SHROOM4: variants seen among roughly 807,000 people sequenced by gnomAD.
SHROOM4 encodes protein Shroom4.
SHROOM4 carries 17 observed loss-of-function variants against 80.3 expected under a neutral mutation model. The ratio of observed to expected loss-of-function variants is 0.21; its 90% CI spans 0.14 to 0.32. The LOEUF (loss-of-function observed/expected upper bound fraction) is 0.32. Ranked by LOEUF, SHROOM4 falls within the 10% of genes least tolerant of loss-of-function variation. The pLI, the probability that SHROOM4 is intolerant of heterozygous loss-of-function variation, is 1.00. For missense variants in SHROOM4, 993 were observed against 1,140.3 expected (o/e 0.87, Z 1.86); for synonymous variants, 400 against 437.5 (o/e 0.91, Z 1.07).
At position 50,744,876 on chromosome X, in the gene SHROOM4, GTTTTAC is replaced by G. The variant is rs1359138038; in HGVS notation, c.118-48945_118-48940del. Among the ~76,000 whole-genome samples, 19 of 111,254 alleles carry G rather than the reference GTTTTAC, an allele frequency of 1.7e-4. No homozygotes were observed. The South Asian group carries it at 1.9e-3, about 11-fold the overall frequency. On this transcript the variant is annotated intron_variant, in intron 1 of 8. Transcript: ENST00000376020. ...TGATGTCATGTTCATTTCTCTTCTT[GTTTTAC>G]TTTTAAGTCTGGCTTTCTAGGAGTC...
At chrX:50,789,984 A>G (rs1456589250) in intron 1 of SHROOM4, among the ~76,000 whole-genome samples, 1 of 112,410 alleles carries the variant, frequency 8.9e-6, no homozygotes, top group African/African-American at 3.2e-5. Context: ...CTCCTAGTCT[A>G]CAAACCTATA....
At chrX:50,810,165 T>G (rs1226187575) in intron 1 of SHROOM4, among the ~76,000 whole-genome samples, 1 of 110,509 alleles carries the variant, frequency 9.0e-6, no homozygotes, top group Non-Finnish European at 1.9e-5. Flanking sequence ...AATTTTCTCT[T>G]TCTTTGCCAC....
intron 1 of SHROOM4, among the ~76,000 whole-genome samples, chrX:50,812,662 C>T (rs1308325683): frequency 9.0e-6 from 1 of 111,427 alleles, no homozygotes; most frequent in Non-Finnish European, 1.9e-5. Context: ...CAATGCAAGG[C>T]GAATGCCGCA....
chrX:50,650,726 C>G (rs1932015764), intron 2 of SHROOM4, among the ~76,000 whole-genome samples: 1 of 112,125 alleles, frequency 8.9e-6, no homozygotes, highest in Admixed American at 9.4e-5. Flanking sequence ...AGGCAACTGT[C>G]TGATATAACT....
At chrX:50,645,747 C>T (rs2147327739) in intron 2 of SHROOM4, among the ~76,000 whole-genome samples, 1 of 111,835 alleles carries the variant, frequency 8.9e-6, no homozygotes, top group African/African-American at 3.2e-5. Flanking sequence ...TTCCAGATAA[C>T]ATGATCAAGT....
chrX:50,642,756 T>C (rs1197811979), intron 2 of SHROOM4, among the ~76,000 whole-genome samples: 5 of 112,045 alleles, frequency 4.5e-5, no homozygotes, highest in African/African-American at 1.6e-4. Flanking sequence ...TGAGCCACCA[T>C]GTCCAGCTGG....
intron 1 of SHROOM4, among the ~76,000 whole-genome samples, chrX:50,763,676 T>C (rs1210642467): frequency 9.0e-6 from 1 of 111,728 alleles, no homozygotes; most frequent in Admixed American, 9.5e-5. Context: ...TCAGTATAAC[T>C]TAATATTTAC....
chrX:50,616,850 T>C (rs1425772769), intron 5 of SHROOM4, among the ~76,000 whole-genome samples: 1 of 111,800 alleles, frequency 8.9e-6, no homozygotes, highest in Non-Finnish European at 1.9e-5. Flanking sequence ...TTCCAAACTA[T>C]ACATTCTGTC....
At position 50,638,214 on chromosome X, in the gene SHROOM4, C is replaced by T; in HGVS notation, c.364G>A (p.Glu122Lys). The change falls in exon 3 of 9, where the codon GAA becomes AAA. Residue 122 changes from glutamate (E) to lysine (K), a missense_variant. By Grantham distance (56) the Glu-to-Lys change is moderately conservative. Coordinates refer to ENST00000376020, the MANE Select transcript of SHROOM4 (RefSeq NM_020717.5). ...GAATGCCAGGACAAGCTGAAGGCTT[C>T]AGAAGGGAAATGCATGGTGGTGGCT... is the stretch of plus-strand genomic sequence containing the variant. ...EAATTMHFPS[E>K]AFSLSWHSGC... 1 of 1,209,542 alleles carries T rather than the reference C, an allele frequency of 8.3e-7. No individual in the cohort carries two copies. The highest frequency in any genetic ancestry group is 1.1e-6 in the Non-Finnish European group (1 of 894,461).
chrX:50,794,657 C>CACAA (rs1557271845), intron 1 of SHROOM4, among the ~76,000 whole-genome samples: 1 of 106,541 alleles, frequency 9.4e-6, no homozygotes, highest in African/African-American at 3.4e-5. Flanking sequence ...TACACACACA[C>CACAA]ACACACACAC....
At chrX:50,731,365 CCTT>C (rs1482568999) in intron 1 of SHROOM4, among the ~76,000 whole-genome samples, 1 of 111,685 alleles carries the variant, frequency 9.0e-6, no homozygotes, top group Admixed American at 9.5e-5. Context: ...ACACAGAACT[CCTT>C]CTCCCCTCAG....
intron 2 of SHROOM4, chrX:50,643,174 C>T (rs1557257455): frequency 8.9e-6 from 1 of 111,895 alleles, no homozygotes; most frequent in African/African-American, 3.3e-5. Context: ...CAGGCACTAT[C>T]AATAAGCACA....
At chrX:50,615,876 G>A (rs1425473319) in intron 5 of SHROOM4, among the ~76,000 whole-genome samples, 2 of 111,881 alleles carry the variant, frequency 1.8e-5, no homozygotes, top group African/African-American at 3.3e-5. Context: ...ATTTATTTGG[G>A]GTAGCGCAAG....
At chrX:50,762,131 A>G (rs1350597254) in intron 1 of SHROOM4, among the ~76,000 whole-genome samples, 2 of 111,912 alleles carry the variant, frequency 1.8e-5, no homozygotes, top group Admixed American at 1.9e-4. Flanking sequence ...TCAACAGTGC[A>G]GTGTTATAAT....
chrX:50,808,126 G>A (rs1290316531), intron 1 of SHROOM4, among the ~76,000 whole-genome samples: 1 of 111,573 alleles, frequency 9.0e-6, no homozygotes, highest in East Asian at 2.8e-4. Context: ...GGCTCTGCTA[G>A]AAAAGTGAAA....
intron 1 of SHROOM4, among the ~76,000 whole-genome samples, chrX:50,812,387 G>A (rs1015701192): frequency 6.4e-5 from 7 of 108,817 alleles, no homozygotes; most frequent in African/African-American, 1.3e-4. Flanking sequence ...TGCCTCAGGA[G>A]GGGTTGTGAC....
In SHROOM4 at chrX:50,601,415, T is replaced by C. The variant is rs964574113; in HGVS notation, c.3942+1218A>G. Among the ~76,000 whole-genome samples, 9 of 112,153 alleles carry C rather than the reference T, an allele frequency of 8.0e-5. No homozygotes were observed. The South Asian group carries it at 3.4e-3, about 42-fold the overall frequency. ...ACCACCATGCTTCCAATTCTTCCCC[T>C]GACATTTTGCTTCAGATAGGAAATT... On this transcript the variant is annotated intron_variant, in intron 7 of 8. Transcript: ENST00000376020.
intron 1 of SHROOM4, among the ~76,000 whole-genome samples, chrX:50,788,502 A>C (rs1557271274): frequency 9.2e-6 from 1 of 109,132 alleles, no homozygotes; most frequent in African/African-American, 3.3e-5. Context: ...AGCTACTCGG[A>C]GAGGCTGAGG....
chrX:50,623,856 A>G (rs1360651468), intron 5 of SHROOM4, among the ~76,000 whole-genome samples: 1 of 112,451 alleles, frequency 8.9e-6, no homozygotes, highest in Non-Finnish European at 1.9e-5. Flanking sequence ...AAAGGAACGA[A>G]GTACTGATAC....
Sources: allele counts gnomAD v4.1 joint callset (sites outside exome capture counted in the v4.1 genomes callset), GRCh38; gene constraint gnomAD v4.1.1; transcripts MANE v1.5; gene names NCBI Gene and HGNC (gene_info 2026-07-23, HGNC 2026-07-21).